IGSF21: variants seen among roughly 807,000 people sequenced by gnomAD.
IGSF21 encodes immunoglobin superfamily member 21.
Under a neutral mutation model 46.8 loss-of-function variants are expected in IGSF21, and 28 were observed. The ratio of observed to expected loss-of-function variants is 0.60; its 90% CI spans 0.44 to 0.82. The LOEUF is 0.82. Ranked by LOEUF, IGSF21 falls within the 40% of genes least tolerant of loss-of-function variation. The pLI, the probability that IGSF21 is intolerant of heterozygous loss-of-function variation, is 0.00. For synonymous variants in IGSF21, 284 were observed against 273.6 expected (o/e 1.04, Z -0.38); for missense variants, 624 against 665.5 (o/e 0.94, Z 0.69).
At chr1:18,146,869 T>A (rs2086471433) in intron 1 of IGSF21, among the ~76,000 whole-genome samples, 1 of 152,146 alleles carries the variant, frequency 6.6e-6, no homozygotes, top group African/African-American at 2.4e-5. Context: ...AGGGGTTAAG[T>A]GACATATTCA....
chr1:18,246,620 G>C (rs1197415960), intron 2 of IGSF21, among the ~76,000 whole-genome samples: 1 of 152,196 alleles, frequency 6.6e-6, no homozygotes, highest in Non-Finnish European at 1.5e-5. Flanking sequence ...GGCAGAGGGA[G>C]CTAGCTCGGT....
At chr1:18,164,425 T>C (rs1288559879) in intron 1 of IGSF21, among the ~76,000 whole-genome samples, 1 of 152,088 alleles carries the variant, frequency 6.6e-6, no homozygotes. Context: ...ATCTTTCCTT[T>C]TTATCCTTTT....
chr1:18,183,950 G>A (rs925979419), intron 1 of IGSF21, among the ~76,000 whole-genome samples: 1 of 152,164 alleles, frequency 6.6e-6, no homozygotes, highest in Non-Finnish European at 1.5e-5. Flanking sequence ...ATGGGATGAA[G>A]AAGTAGGTTC....
chr1:18,150,336 G>A (rs531824921), intron 1 of IGSF21, among the ~76,000 whole-genome samples: 2 of 152,284 alleles, frequency 1.3e-5, no homozygotes, highest in East Asian at 3.9e-4. Flanking sequence ...AATGGGGATA[G>A]CACCTTCCTT....
rs111721151 is a variant in IGSF21, at chr1:18,225,062, A to ATCTCTCTCTCTCTCTCTC, written c.71-2829_71-2812dup. Among the ~76,000 whole-genome samples the ATCTCTCTCTCTCTCTCTC allele has an allele frequency of 1.2e-3, 77 of 63,632 alleles. 11 individuals are homozygous for ATCTCTCTCTCTCTCTCTC. The highest frequency in any genetic ancestry group is 7.7e-3 in the Middle Eastern group (1 of 130). The allele number at this position is 63,632 out of a possible 152,430, so 41.7% of individuals were successfully genotyped here. ...CCTGGATGACAGAGTGAGACTCTGTATCTCTCTCTCTCTCTCTCTCTCTCA... is the reference window on the plus strand; with the variant it reads ...CCTGGATGACAGAGTGAGACTCTGTATCTCTCTCTCTCTCTCTCTCTCTCTCTCTCTCTCTCTCTCTCA... On this transcript the variant is annotated intron_variant, in intron 1 of 9. Transcript: ENST00000251296.
intron 1 of IGSF21, among the ~76,000 whole-genome samples, chr1:18,131,645 C>T (rs2086322519): frequency 6.6e-6 from 1 of 152,242 alleles, no homozygotes; most frequent in African/African-American, 2.4e-5. Context: ...TTTTAGCTCA[C>T]ATCACAGTTC....
At chr1:18,120,558 C>G (rs540610434) in intron 1 of IGSF21, among the ~76,000 whole-genome samples, 5 of 152,310 alleles carry the variant, frequency 3.3e-5, no homozygotes, top group African/African-American at 1.2e-4. Context: ...CTCTACGATG[C>G]TCATTGTACC....
At chr1:18,369,597 A>G (rs2086204002) in intron 6 of IGSF21, among the ~76,000 whole-genome samples, 1 of 152,170 alleles carries the variant, frequency 6.6e-6, no homozygotes, top group South Asian at 2.1e-4. Flanking sequence ...TCGTGAGTGT[A>G]TGCACCTTGC....
At chr1:18,349,954 A>C (rs897789119) in intron 4 of IGSF21, among the ~76,000 whole-genome samples, 10 of 152,182 alleles carry the variant, frequency 6.6e-5, no homozygotes, top group Admixed American at 6.5e-4. Flanking sequence ...GAGGTGCAGC[A>C]GGGATAAGTG....
chr1:18,163,033 G>T (rs972867562), intron 1 of IGSF21, among the ~76,000 whole-genome samples: 4 of 152,132 alleles, frequency 2.6e-5, no homozygotes, highest in African/African-American at 9.7e-5. Flanking sequence ...TGGACATGGG[G>T]AGGTTAAATT....
Position 18,337,380 on chromosome 1 carries a change from A to G in IGSF21, c.424+2370A>G, listed in dbSNP as rs534012316. ...TTGCAGAACGCCTACCTCATCAAGA[A>G]TATCATTGAAGAGCTCAGTTACTTG... On this transcript the variant is annotated intron_variant, in intron 4 of 9. Coordinates refer to ENST00000251296, the MANE Select transcript of IGSF21 (RefSeq NM_032880.5). This position sits in a 1 kb window ranked among gnomAD's most constrained non-coding sequence, Gnocchi z 5.7. 1.9e-4 allele frequency among the ~76,000 whole-genome samples: 29 copies of G among 152,286 alleles called. No individual in the cohort carries two copies. The highest frequency in any genetic ancestry group is 6.5e-4 in the African/African-American group (27 of 41,568).
At position 18,190,001 on chromosome 1, in the gene IGSF21, C is replaced by G. The variant is rs377162318; in HGVS notation, c.71-37897C>G. Among the ~76,000 whole-genome samples, 15 of 152,276 alleles carry G rather than the reference C, an allele frequency of 9.9e-5. 1 individual carries two copies. In the South Asian group the frequency reaches 1.7e-3, roughly 17 times the overall value. On this transcript the variant is annotated intron_variant, in intron 1 of 9. Transcript: ENST00000251296. The stretch of plus-strand genomic sequence containing the variant: ...GTGGGGGCCGGTACCAGTCCATGGC[C>G]TGGGGGATGGGGACTCCTCCCTTGG...
intron 3 of IGSF21, among the ~76,000 whole-genome samples, chr1:18,314,497 A>G (rs1296469904): frequency 6.6e-6 from 1 of 152,170 alleles, no homozygotes; most frequent in Admixed American, 6.5e-5. Context: ...TTTGACTGGT[A>G]TCGTGGGCCG....
chr1:18,313,207 G>T (rs568436544), intron 3 of IGSF21, among the ~76,000 whole-genome samples: 3 of 152,244 alleles, frequency 2.0e-5, no homozygotes, highest in East Asian at 1.9e-4. Context: ...ACTCGGGGAG[G>T]TCTCGGGCTT....
chr1:18,158,436 C>T (rs942696623), intron 1 of IGSF21, among the ~76,000 whole-genome samples: 5 of 152,156 alleles, frequency 3.3e-5, no homozygotes, highest in Non-Finnish European at 5.9e-5. Context: ...TTACTGACTC[C>T]TAATTGGATG....
Position 18,282,383 on chromosome 1 carries a change from A to G in IGSF21, c.184-9483A>G, listed in dbSNP as rs112316378. ...ACTGAAGTTCGAATGTCTGGCATCT[A>G]TCTGAGGCCCTTTCTATTTCCCCTG... On this transcript the variant is annotated intron_variant, in intron 2 of 9. Transcript: ENST00000251296. 6.6e-4 allele frequency among the ~76,000 whole-genome samples: 101 copies of G among 152,182 alleles called. 1 individual carries two copies. The highest frequency in any genetic ancestry group is 2.3e-3 in the African/African-American group (95 of 41,524).
At chr1:18,326,660 A>G (rs2085661153) in intron 3 of IGSF21, among the ~76,000 whole-genome samples, 2 of 152,194 alleles carry the variant, frequency 1.3e-5, no homozygotes, top group African/African-American at 4.8e-5. Flanking sequence ...TTGGTCCTGA[A>G]GAGTCTTCTC....
At chr1:18,285,640 G>A (rs984559361) in intron 2 of IGSF21, among the ~76,000 whole-genome samples, 2 of 152,116 alleles carry the variant, frequency 1.3e-5, no homozygotes, top group East Asian at 3.9e-4. Context: ...CAGTGTAGCT[G>A]GTCATTTGGG....
At chr1:18,218,237 G>C (rs964753059) in intron 1 of IGSF21, among the ~76,000 whole-genome samples, 1 of 152,140 alleles carries the variant, frequency 6.6e-6, no homozygotes, top group Non-Finnish European at 1.5e-5. Flanking sequence ...GGAGAAAGTG[G>C]GGGAGCTGCT....
Sources: allele counts gnomAD v4.1 joint callset (sites outside exome capture counted in the v4.1 genomes callset), GRCh38; gene constraint gnomAD v4.1.1; non-coding constraint Gnocchi (gnomAD v3.1); transcripts MANE v1.5; gene names NCBI Gene and HGNC (gene_info 2026-07-23, HGNC 2026-07-21).